Variants in GPHN observed in about 807,000 individuals in gnomAD.
GPHN encodes the protein gephyrin.
In GPHN, 17 loss-of-function variants were observed where a neutral mutation model predicts 95.5. The observed-to-expected ratio is 0.18, with a 90% CI of 0.12 to 0.27. GPHN has a LOEUF of 0.27. Among genes scored for constraint, GPHN ranks in the 10% least tolerant of loss-of-function variants. The pLI is 1.00. For missense variants in GPHN, 660 were observed against 978.1 expected (o/e 0.67, Z 4.34); for synonymous variants, 320 against 322.5 (o/e 0.99, Z 0.08).
chr14:66,588,760 G>A (rs2061522668), intron 1 of GPHN, among the ~76,000 whole-genome samples: 1 of 152,140 alleles, frequency 6.6e-6, no homozygotes, highest in Non-Finnish European at 1.5e-5. Flanking sequence ...TGTTTGATTG[G>A]TGTACCTGAA....
chr14:67,448,169 T>C, the GPHN span, among the ~76,000 whole-genome samples: 71 of 132,646 alleles, frequency 5.4e-4, no homozygotes, highest in African/African-American at 2.0e-3. Context: ...GACGGAGTCT[T>C]GCTCTGTCAC....
chr14:67,710,805 A>T, the GPHN span, among the ~76,000 whole-genome samples: 59 of 152,110 alleles, frequency 3.9e-4, no homozygotes, highest in Non-Finnish European at 7.4e-4. Flanking sequence ...TCTATTATCT[A>T]ATTTAATATA....
At chr14:67,347,767 TG>T in the GPHN span, among the ~76,000 whole-genome samples, 28 of 152,186 alleles carry the variant, frequency 1.8e-4, no homozygotes, top group African/African-American at 6.8e-4. Context: ...CCCAAAGTGC[TG>T]GGATTACAGG....
chr14:67,025,579 A>G (rs766033808), intron 10 of GPHN, among the ~76,000 whole-genome samples: 1 of 152,236 alleles, frequency 6.6e-6, no homozygotes, highest in Non-Finnish European at 1.5e-5. Context: ...ATTGCAAACA[A>G]CTAATGAGCT....
intron 1 of GPHN, among the ~76,000 whole-genome samples, chr14:66,619,798 A>G (rs1395192045): frequency 6.6e-6 from 1 of 152,184 alleles, no homozygotes; most frequent in African/African-American, 2.4e-5. Context: ...CATTGGTAGT[A>G]TGTAGAAATA....
chr14:66,904,053 C>T (rs1476550007), intron 5 of GPHN, among the ~76,000 whole-genome samples: 1 of 152,074 alleles, frequency 6.6e-6, no homozygotes, highest in Non-Finnish European at 1.5e-5. Flanking sequence ...ATATATTTAT[C>T]TATTCGCCTT....
chr14:66,907,020 A>C (rs1042057381), intron 5 of GPHN, among the ~76,000 whole-genome samples: 6 of 152,154 alleles, frequency 3.9e-5, no homozygotes, highest in African/African-American at 1.4e-4. Context: ...CTGTCTAGTC[A>C]TTCTATCATA....
the GPHN span, among the ~76,000 whole-genome samples, chr14:67,246,050 A>G: frequency 2.0e-5 from 3 of 152,094 alleles, no homozygotes; most frequent in East Asian, 3.9e-4. Flanking sequence ...GTCAAAAGCT[A>G]TTTGACTGCA....
At chr14:66,687,847 TCAA>T in intron 2 of GPHN, among the ~76,000 whole-genome samples, 1 of 152,200 alleles carries the variant, frequency 6.6e-6, no homozygotes, top group Non-Finnish European at 1.5e-5. Flanking sequence ...TGTGTCCTCT[TCAA>T]TTTCTTTCAT....
At chr14:67,653,629 G>C in the GPHN span, 1 of 726,342 alleles carries the variant, frequency 1.4e-6, no homozygotes, top group Admixed American at 2.7e-5. Flanking sequence ...CAATTTAAAT[G>C]ATGGCCTTTG....
chr14:67,227,130 T>A, the GPHN span, among the ~76,000 whole-genome samples: 1 of 152,156 alleles, frequency 6.6e-6, no homozygotes, highest in African/African-American at 2.4e-5. Flanking sequence ...TACTTAAATT[T>A]TGACTTATTA....
chr14:66,692,758 T>C (rs902354081), intron 2 of GPHN, among the ~76,000 whole-genome samples: 6 of 152,184 alleles, frequency 3.9e-5, no homozygotes, highest in African/African-American at 1.4e-4. Context: ...ATGGCTTGTA[T>C]TGTTGTTATG....
At chr14:67,375,052 T>C in the GPHN span, among the ~76,000 whole-genome samples, 2 of 152,184 alleles carry the variant, frequency 1.3e-5, no homozygotes, top group East Asian at 1.9e-4. Flanking sequence ...TTGGTTTTTT[T>C]CCCCCTCCAC....
intron 6 of GPHN, 94 bp from the exon 7 acceptor site, chr14:66,922,572 C>A: frequency 1.0e-6 from 1 of 991,554 alleles, no homozygotes. Flanking sequence ...GAGGAAAATG[C>A]AAATCCAAAA....
chr14:67,259,116 T>A, the GPHN span, among the ~76,000 whole-genome samples: 1 of 151,854 alleles, frequency 6.6e-6, no homozygotes, highest in Admixed American at 6.6e-5. Context: ...GTGCTGGGAT[T>A]ACAGATGTGA....
chr14:66,897,513 T>C (rs1390057306), intron 5 of GPHN, among the ~76,000 whole-genome samples: 1 of 152,112 alleles, frequency 6.6e-6, no homozygotes, highest in Non-Finnish European at 1.5e-5. Flanking sequence ...TCCTAAACTC[T>C]GGCAACCACT....
chr14:67,516,193 C>T, the GPHN span, among the ~76,000 whole-genome samples: 1 of 152,210 alleles, frequency 6.6e-6, no homozygotes, highest in Non-Finnish European at 1.5e-5. Context: ...CAGCCAGCCC[C>T]CATTCGCACG....
the GPHN span, chr14:67,729,096 C>T: frequency 2.4e-6 from 3 of 1,256,134 alleles, no homozygotes; most frequent in South Asian, 2.4e-5. Flanking sequence ...TTTCCTGAGT[C>T]CCTCCTTCTC....
intron 10 of GPHN, among the ~76,000 whole-genome samples, chr14:67,043,257 C>A (rs2074813550): frequency 6.6e-6 from 1 of 152,104 alleles, no homozygotes; most frequent in Admixed American, 6.6e-5. Flanking sequence ...GCCAGAACGT[C>A]CAATATTATG....
Sources: allele counts gnomAD v4.1 joint callset (sites outside exome capture counted in the v4.1 genomes callset), GRCh38; gene constraint gnomAD v4.1.1; transcripts MANE v1.5; gene names NCBI Gene and HGNC (gene_info 2026-07-23, HGNC 2026-07-21).